MYCBP2: variants seen among roughly 807,000 people sequenced by gnomAD.
MYCBP2 encodes E3 ubiquitin-protein ligase MYCBP2.
MYCBP2 carries 120 observed loss-of-function variants against 525.3 expected under a neutral mutation model. The observed-to-expected ratio is 0.23, with a 90% CI of 0.20 to 0.27. The LOEUF (loss-of-function observed/expected upper bound fraction) is 0.27, where lower values mean the gene tolerates loss of function less well. Ranked by LOEUF, MYCBP2 falls within the 10% of genes least tolerant of loss-of-function variation. The probability of loss-of-function intolerance (pLI) is 1.00; values close to 1 mark genes in which losing one functional copy is unlikely to be tolerated. For missense variants in MYCBP2, 4,149 were observed against 5,657.1 expected, an observed-to-expected ratio of 0.73 and a Z score of 8.55; for synonymous variants, 1,894 against 1,955.8, an observed-to-expected ratio of 0.97 and a Z score of 0.83.
chr13:77,285,660 C>T (rs2076650605), intron 3 of MYCBP2, among the ~76,000 whole-genome samples: 1 of 152,074 alleles, frequency 6.6e-6, no homozygotes, highest in Non-Finnish European at 1.5e-5. Context: ...GTGGCACATG[C>T]CTGTAATCCC....
chr13:77,235,682 T>C (rs532719250), intron 17 of MYCBP2, among the ~76,000 whole-genome samples: 1 of 152,130 alleles, frequency 6.6e-6, no homozygotes, highest in African/African-American at 2.4e-5. Flanking sequence ...ATACAATCTC[T>C]GCTTCAAGAA....
chr13:77,064,295 T>C (rs1402533067), intron 73 of MYCBP2, among the ~76,000 whole-genome samples: 3 of 152,184 alleles, frequency 2.0e-5, no homozygotes, highest in Non-Finnish European at 4.4e-5. Flanking sequence ...GGCACTAAAC[T>C]TACTGTGGTA....
intron 69 of MYCBP2, among the ~76,000 whole-genome samples, chr13:77,069,441 T>C (rs1206589792): frequency 1.3e-5 from 2 of 151,290 alleles, no homozygotes; most frequent in Non-Finnish European, 2.9e-5. Flanking sequence ...GCTAATATGG[T>C]GAAATCCCGT....
At chr13:77,247,729 G>T (rs1362168160) in intron 15 of MYCBP2, among the ~76,000 whole-genome samples, 1 of 152,096 alleles carries the variant, frequency 6.6e-6, no homozygotes, top group East Asian at 1.9e-4. Flanking sequence ...CAGACCAATG[G>T]GATAGAATAG....
At chr13:77,125,586 A>C (rs1013569892) in intron 53 of MYCBP2, 118 bp from the exon 54 acceptor site, 20 of 1,134,544 alleles carry the variant, frequency 1.8e-5, no homozygotes, top group Non-Finnish European at 2.3e-5. Flanking sequence ...ATTTCTACTA[A>C]GAAATTAGTT....
intron 35 of MYCBP2, among the ~76,000 whole-genome samples, chr13:77,177,490 C>T (rs7319795): frequency 0.022 from 3,352 of 151,618 alleles, 122 homozygotes; most frequent in African/African-American, 0.076. Context: ...TACAGGCGTG[C>T]GTTGTATTTT....
At chr13:77,221,211 G>A (rs1478459821) in intron 20 of MYCBP2, among the ~76,000 whole-genome samples, 1 of 152,056 alleles carries the variant, frequency 6.6e-6, no homozygotes, top group East Asian at 1.9e-4. Flanking sequence ...ATTTCATGAA[G>A]ACGATAAATT....
chr13:77,200,729 G>A (rs1172761542), intron 26 of MYCBP2, among the ~76,000 whole-genome samples: 2 of 152,140 alleles, frequency 1.3e-5, no homozygotes, highest in East Asian at 3.9e-4. Context: ...GAGAGTGGGG[G>A]CCAATATTCA....
chr13:77,266,162 G>T (rs186468047), intron 8 of MYCBP2, among the ~76,000 whole-genome samples: 3 of 152,100 alleles, frequency 2.0e-5, no homozygotes, highest in Non-Finnish European at 4.4e-5. Flanking sequence ...TAAATGTGCA[G>T]GGTTTCTCAG....
At chr13:77,230,830 G>A (rs1027384305) in intron 18 of MYCBP2, among the ~76,000 whole-genome samples, 2 of 152,242 alleles carry the variant, frequency 1.3e-5, no homozygotes, top group Non-Finnish European at 2.9e-5. Flanking sequence ...TGTGTGCTGG[G>A]ACTGCAACCT....
intron 65 of MYCBP2, among the ~76,000 whole-genome samples, chr13:77,080,052 C>A (rs944239844): frequency 1.3e-5 from 2 of 152,194 alleles, no homozygotes; most frequent in Non-Finnish European, 2.9e-5. Flanking sequence ...GATAGCTTTG[C>A]ACTGAACAGT....
intron 57 of MYCBP2, among the ~76,000 whole-genome samples, chr13:77,096,103 T>A (rs1317144140): frequency 6.6e-6 from 1 of 152,118 alleles, no homozygotes; most frequent in African/African-American, 2.4e-5. Context: ...GCAGAGGTTA[T>A]CTAGTGTTAT....
intron 1 of MYCBP2, among the ~76,000 whole-genome samples, chr13:77,323,012 A>G (rs2081874263): frequency 6.6e-6 from 1 of 152,112 alleles, no homozygotes; most frequent in Admixed American, 6.5e-5. Flanking sequence ...AAGTCCCCAC[A>G]CCCCTCATTC....
chr13:77,235,901 AG>A (rs761319352), intron 17 of MYCBP2, among the ~76,000 whole-genome samples: 55 of 152,152 alleles, frequency 3.6e-4, no homozygotes, highest in African/African-American at 1.2e-3. Context: ...GTTCAGAGGT[AG>A]GGGAAAAAAA....
intron 29 of MYCBP2, 95 bp from the exon 30 acceptor site, chr13:77,189,142 A>T: frequency 1.3e-6 from 1 of 797,926 alleles, no homozygotes; most frequent in Non-Finnish European, 1.8e-6. Context: ...GGGAAAATAA[A>T]TTATATATTT....
At position 77,190,251 on chromosome 13, in the gene MYCBP2, C is replaced by A; in HGVS notation, c.4154+1G>T. 1 of 1,571,848 alleles carries A rather than the reference C, an allele frequency of 6.4e-7. No individual in the cohort carries two copies. Among genetic ancestry groups the A allele is most frequent in the Non-Finnish European group, 8.7e-7 (1 of 1,144,632 alleles). On this transcript the variant is annotated splice_donor_variant, in intron 29 of 82. Coordinates refer to ENST00000544440, the MANE Select transcript of MYCBP2 (RefSeq NM_015057.5). LOFTEE classifies it high-confidence loss of function. The stretch of plus-strand genomic sequence containing the variant: ...TAATTCAGTATAAATATGCTAAATA[C>A]CTGTATAATAACTGAGGTATCTGAC...
At chr13:77,062,410 T>C (rs1056296042) in intron 74 of MYCBP2, among the ~76,000 whole-genome samples, 186 bp downstream of exon 74, 4 of 152,234 alleles carry the variant, frequency 2.6e-5, no homozygotes, top group South Asian at 2.1e-4. Flanking sequence ...AGTTTCCATA[T>C]ACTATGAAGT....
chr13:77,237,326 CAT>C (rs1048524745), intron 17 of MYCBP2, among the ~76,000 whole-genome samples: 19 of 152,014 alleles, frequency 1.2e-4, no homozygotes, highest in African/African-American at 4.4e-4. Context: ...TGTAAATAAA[CAT>C]ATGTCTACAC....
chr13:77,138,430 T>G (rs1230511428), intron 52 of MYCBP2, among the ~76,000 whole-genome samples: 1 of 152,194 alleles, frequency 6.6e-6, no homozygotes, highest in Non-Finnish European at 1.5e-5. Context: ...TATAAACGGA[T>G]TTTTAAGAAA....
Sources: gnomAD v4.1 joint callset for allele counts (sites outside exome capture counted in the v4.1 genomes callset) on GRCh38, gnomAD v4.1.1 for gene constraint, MANE v1.5 for transcripts, NCBI Gene and HGNC (gene_info 2026-07-23, HGNC 2026-07-21) for gene names.